IGF1R: variants seen among roughly 807,000 people sequenced by gnomAD.
IGF1R encodes the protein insulin like growth factor 1 receptor.
Under a neutral mutation model 144.6 loss-of-function variants are expected in IGF1R, and 44 were observed. That is an observed-to-expected ratio of 0.30 (90% CI 0.24 to 0.39). IGF1R has a LOEUF of 0.39. IGF1R is among the 10% of genes least tolerant of loss of function. The pLI, the probability that IGF1R is intolerant of heterozygous loss-of-function variation, is 1.00. For missense variants in IGF1R, 1,355 were observed against 1,833.7 expected, an observed-to-expected ratio of 0.74 and a Z score of 4.77; for synonymous variants, 795 against 722.8, an observed-to-expected ratio of 1.10 and a Z score of -1.60.
intron 5 of IGF1R, among the ~76,000 whole-genome samples, chr15:98,905,285 C>T (rs902174651): frequency 1.3e-5 from 2 of 152,018 alleles, no homozygotes; most frequent in African/African-American, 2.4e-5. Context: ...ACATTTTTTA[C>T]AACATAGAGA....
intron 2 of IGF1R, among the ~76,000 whole-genome samples, chr15:98,787,436 T>C (rs1360606152): frequency 1.3e-5 from 2 of 152,164 alleles, no homozygotes; most frequent in African/African-American, 4.8e-5. Flanking sequence ...CGTTGGAGCG[T>C]GAGCAAAGGG....
intron 2 of IGF1R, among the ~76,000 whole-genome samples, chr15:98,774,922 C>T (rs2055675797): frequency 6.7e-6 from 1 of 148,442 alleles, no homozygotes; most frequent in Non-Finnish European, 1.5e-5. Flanking sequence ...GATATTACAT[C>T]AGGGAACTGG....
chr15:98,780,138 AAACTT>A (rs757935128), intron 2 of IGF1R, among the ~76,000 whole-genome samples: 18 of 152,028 alleles, frequency 1.2e-4, no homozygotes, highest in Non-Finnish European at 2.1e-4. Context: ...CATTTATTGA[AAACTT>A]AAAGTATAAT....
intron 2 of IGF1R, among the ~76,000 whole-genome samples, chr15:98,775,797 C>G (rs2055698682): frequency 6.6e-6 from 1 of 152,206 alleles, no homozygotes; most frequent in African/African-American, 2.4e-5. Context: ...TTCAGCAGGT[C>G]TCGGGCTGGT....
chr15:98,665,951 G>A (rs1026910503), intron 1 of IGF1R, among the ~76,000 whole-genome samples: 5 of 152,222 alleles, frequency 3.3e-5, no homozygotes, highest in African/African-American at 7.2e-5. Context: ...GCCTATGGTG[G>A]TATTTGCAAG....
In IGF1R at chr15:98,743,145, A is replaced by T. The variant is rs74032570; in HGVS notation, c.640+35038A>T. Among the ~76,000 whole-genome samples the T allele has an allele frequency of 5.8e-3, 886 of 152,306 alleles. 8 individuals carry two copies. Among genetic ancestry groups the T allele is most frequent in the African/African-American group, 0.02 (841 of 41,556 alleles). On this transcript the variant is annotated intron_variant, in intron 2 of 20. Transcript: ENST00000650285. ...TAGTCCTAATGTGTTCTAACTTTTG[A>T]AAATAAAGTACAAATTAGATGGATT... is the stretch of plus-strand genomic sequence containing the variant.
At chr15:98,886,589 A>G (rs2141644728) in intron 2 of IGF1R, among the ~76,000 whole-genome samples, 1 of 152,236 alleles carries the variant, frequency 6.6e-6, no homozygotes, top group South Asian at 2.1e-4. Flanking sequence ...GTGTTTATTC[A>G]TGGAAGCCAG....
intron 2 of IGF1R, among the ~76,000 whole-genome samples, chr15:98,863,190 G>T (rs2715446): frequency 0.2 from 29,976 of 152,098 alleles, 3,755 homozygotes; most frequent in East Asian, 0.42. Flanking sequence ...GTTTCCTCCT[G>T]ATTAAATTTG....
rs187125523 is a variant in IGF1R at position 98,872,015 on chromosome 15, G to A, written c.641-19310G>A. Among the ~76,000 whole-genome samples, 71 of 152,304 alleles carry A rather than the reference G, an allele frequency of 4.7e-4. 1 individual carries two copies. Among genetic ancestry groups the A allele is most frequent in the Admixed American group, 2.5e-3 (39 of 15,300 alleles). ...CCTAGTGGAAGTTGAAAGCTTTCTT[G>A]GCAGCCTCAGCCCCCACCCTACCTC... On this transcript the variant is annotated intron_variant, in intron 2 of 20. Coordinates refer to ENST00000650285, the MANE Select transcript of IGF1R (RefSeq NM_000875.5).
chr15:98,892,467 C>T (rs536503166), intron 3 of IGF1R, among the ~76,000 whole-genome samples: 5 of 137,784 alleles, frequency 3.6e-5, no homozygotes, highest in Non-Finnish European at 7.5e-5. Context: ...GCAGAGGTTG[C>T]AGTGAGCCAA....
chr15:98,837,566 T>C lies in IGF1R; in HGVS notation c.641-53759T>C, dbSNP rs544837084. On this transcript the variant is annotated intron_variant, in intron 2 of 20. Transcript: ENST00000650285. ...TTAAATTTTTTGTAGAAACTCACTA[T>C]GTTGCCCAGTCTGGTCTCGAACTCC... is the stretch of plus-strand genomic sequence containing the variant. Among the ~76,000 whole-genome samples, 13 of 152,238 alleles carry C rather than the reference T, an allele frequency of 8.5e-5. No individual in the cohort carries two copies. The East Asian group carries it at 2.5e-3, about 29-fold the overall frequency.
At chr15:98,666,453 T>G (rs765828146) in intron 1 of IGF1R, among the ~76,000 whole-genome samples, 3 of 152,084 alleles carry the variant, frequency 2.0e-5, no homozygotes, top group Non-Finnish European at 2.9e-5. Context: ...CAGCAAATAA[T>G]TCAAAATAGC....
intron 1 of IGF1R, among the ~76,000 whole-genome samples, chr15:98,688,450 G>A (rs1279867849): frequency 1.4e-5 from 2 of 144,662 alleles, no homozygotes; most frequent in African/African-American, 5.3e-5. Context: ...GTGTGTGTGT[G>A]TGATGGCACT....
At chr15:98,721,779 A>G (rs1343317414) in intron 2 of IGF1R, among the ~76,000 whole-genome samples, 1 of 152,192 alleles carries the variant, frequency 6.6e-6, no homozygotes, top group Non-Finnish European at 1.5e-5. Context: ...TGAATAAACA[A>G]ACTAAATAAC....
intron 1 of IGF1R, among the ~76,000 whole-genome samples, chr15:98,657,951 A>G (rs1386744729): frequency 6.6e-6 from 1 of 152,166 alleles, no homozygotes; most frequent in Non-Finnish European, 1.5e-5. Flanking sequence ...GACTCTGACT[A>G]CATGCTGAGT....
intron 2 of IGF1R, among the ~76,000 whole-genome samples, chr15:98,748,810 A>G (rs572898562): frequency 6.6e-6 from 1 of 152,340 alleles, no homozygotes; most frequent in African/African-American, 2.4e-5. Context: ...AATTGCGTTT[A>G]TTCTTGAGCC....
rs182226190 is a variant in IGF1R at position 98,746,117 on chromosome 15, C to A, written c.640+38010C>A. On this transcript the variant is annotated intron_variant, in intron 2 of 20. Transcript: ENST00000650285. ...TAGGTGGAGAAGGCAAGGCAGGCTT[C>A]TTTTTTGTAAAGTTAAGGAGGGTAA... 1.1e-3 allele frequency among the ~76,000 whole-genome samples: 170 copies of A among 152,254 alleles called. 1 individual carries two copies. Among genetic ancestry groups the A allele is most frequent in the African/African-American group, 3.3e-3 (137 of 41,572 alleles).
At chr15:98,666,886 T>C (rs1034256977) in intron 1 of IGF1R, among the ~76,000 whole-genome samples, 1 of 152,206 alleles carries the variant, frequency 6.6e-6, no homozygotes, top group Admixed American at 6.5e-5. Context: ...AGGGTTAAAA[T>C]GTTAAATTCT....
At chr15:98,654,881 C>T (rs1307616585) in intron 1 of IGF1R, among the ~76,000 whole-genome samples, 1 of 152,182 alleles carries the variant, frequency 6.6e-6, no homozygotes, top group African/African-American at 2.4e-5. Context: ...GAGTGATGCA[C>T]TCTGATCCCT....
Sources: gnomAD v4.1 joint callset for allele counts (sites outside exome capture counted in the v4.1 genomes callset) on GRCh38, gnomAD v4.1.1 for gene constraint, MANE v1.5 for transcripts, NCBI Gene and HGNC (gene_info 2026-07-23, HGNC 2026-07-21) for gene names.